The following CTNNA3 variants were observed in gnomAD, a reference collection of about 807,000 sequenced individuals.
CTNNA3 encodes catenin alpha 3.
Under a neutral mutation model 95.7 loss-of-function variants are expected in CTNNA3, and 76 were observed. That is an observed-to-expected ratio of 0.79 (90% CI 0.66 to 0.96). CTNNA3 has a LOEUF of 0.96. CTNNA3 is among the 40% of genes least tolerant of loss of function. The pLI is 0.00. For synonymous variants in CTNNA3, 431 were observed against 374.4 expected, an observed-to-expected ratio of 1.15 and a Z score of -1.74; for missense variants, 1,191 against 1,089.8, an observed-to-expected ratio of 1.09 and a Z score of -1.31.
chr10:67,755,049 A>T (rs955726608), intron 1 of CTNNA3, among the ~76,000 whole-genome samples: 4 of 152,034 alleles, frequency 2.6e-5, no homozygotes, highest in South Asian at 2.1e-4. Context: ...CAAAAAAATT[A>T]AAAAATTACC....
intron 9 of CTNNA3, among the ~76,000 whole-genome samples, chr10:66,745,456 T>A (rs1056946109): frequency 1.3e-5 from 2 of 152,182 alleles, no homozygotes; most frequent in African/African-American, 4.8e-5. Context: ...TCACCATCCC[T>A]TAAAAGCCAG....
intron 7 of CTNNA3, among the ~76,000 whole-genome samples, chr10:67,062,332 T>G (rs1451486883): frequency 1.3e-5 from 2 of 152,198 alleles, no homozygotes; most frequent in Non-Finnish European, 2.9e-5. Flanking sequence ...TCTTCTCTTC[T>G]GTACATGCCA....
chr10:66,618,508 G>A (rs370487485), intron 10 of CTNNA3, among the ~76,000 whole-genome samples: 1 of 152,006 alleles, frequency 6.6e-6, no homozygotes. Context: ...GCTAGCCATA[G>A]GTAGAAAGCT....
intron 10 of CTNNA3, among the ~76,000 whole-genome samples, chr10:66,571,166 T>G (rs1842856804): frequency 6.6e-6 from 1 of 152,178 alleles, no homozygotes; most frequent in African/African-American, 2.4e-5. Context: ...GGAGAAACAA[T>G]TTCATTATAT....
Position 66,410,799 on chromosome 10 carries a change from T to C in CTNNA3, c.1532-31447A>G, listed in dbSNP as rs1341327538. 2.0e-5 allele frequency among the ~76,000 whole-genome samples: 3 copies of C among 152,186 alleles called. No homozygotes were observed. In the East Asian group the frequency reaches 5.8e-4, roughly 29 times the overall value. Reference sequence around the variant, plus strand: ...CTGCCAGAGATGTACTGTTCGTGTTTGGAATGCGTGCTGTGTTTCTAAGGC... The same window carrying C: ...CTGCCAGAGATGTACTGTTCGTGTTCGGAATGCGTGCTGTGTTTCTAAGGC... On this transcript the variant is annotated intron_variant, in intron 11 of 17. Coordinates refer to ENST00000433211, the MANE Select transcript of CTNNA3 (RefSeq NM_013266.4).
chr10:66,925,077 C>A (rs1846993799), intron 7 of CTNNA3, among the ~76,000 whole-genome samples: 1 of 152,120 alleles, frequency 6.6e-6, no homozygotes, highest in South Asian at 2.1e-4. Flanking sequence ...GCTTCATTTT[C>A]ACTGACTTCT....
In CTNNA3 at chr10:67,026,932, A is replaced by G. The variant is rs371518429; in HGVS notation, c.1047+153385T>C. On this transcript the variant is annotated intron_variant, in intron 7 of 17. Transcript: ENST00000433211. ...CACATTAAAATAGAAACCATTTAGA[A>G]GAGGGATCATGCCTTCTTTATTCTG... Among the ~76,000 whole-genome samples, 5 of 152,348 alleles carry G rather than the reference A, an allele frequency of 3.3e-5. No individual in the cohort carries two copies. The South Asian group carries it at 6.2e-4, about 19-fold the overall frequency.
At chr10:66,507,364 A>T (rs1840486155) in intron 11 of CTNNA3, among the ~76,000 whole-genome samples, 1 of 152,062 alleles carries the variant, frequency 6.6e-6, no homozygotes, top group South Asian at 2.1e-4. Flanking sequence ...AACTTTCAAA[A>T]TCCTCTCTTC....
chr10:66,329,420 C>T lies in CTNNA3; in HGVS notation c.1733-48799G>A, dbSNP rs1462091349. ...CAGAAGCACCCTTACAGTGTAACAC[C>T]CCAAAACAATGTTTCTCCTGGGCAC... On this transcript the variant is annotated intron_variant, in intron 12 of 17. Coordinates refer to ENST00000433211, the MANE Select transcript of CTNNA3 (RefSeq NM_013266.4). 4.6e-5 allele frequency among the ~76,000 whole-genome samples: 7 copies of T among 151,792 alleles called. No homozygotes were observed. In the South Asian group the frequency reaches 1.0e-3, roughly 23 times the overall value.
intron 11 of CTNNA3, among the ~76,000 whole-genome samples, chr10:66,513,560 T>C (rs184064267): frequency 6.6e-6 from 1 of 152,274 alleles, no homozygotes; most frequent in East Asian, 1.9e-4. Flanking sequence ...CAAAGGTACA[T>C]AGTGGCCCTG....
chr10:67,569,436 G>T (rs565119990), intron 3 of CTNNA3, among the ~76,000 whole-genome samples: 2 of 152,120 alleles, frequency 1.3e-5, no homozygotes, highest in South Asian at 4.1e-4. Flanking sequence ...ATAATTCAAA[G>T]GTGGGAGCAA....
chr10:67,583,483 C>A (rs1489626846), intron 3 of CTNNA3, among the ~76,000 whole-genome samples: 1 of 152,122 alleles, frequency 6.6e-6, no homozygotes, highest in Admixed American at 6.5e-5. Flanking sequence ...TCTCTGGCTG[C>A]CCTTAACATT....
At chr10:65,957,805 G>C (rs923960848) in intron 17 of CTNNA3, among the ~76,000 whole-genome samples, 5 of 152,106 alleles carry the variant, frequency 3.3e-5, no homozygotes, top group African/African-American at 1.2e-4. Context: ...CTTTCTCTCT[G>C]GTTGCCCTTA....
At chr10:67,573,996 A>C (rs1842059099) in intron 3 of CTNNA3, among the ~76,000 whole-genome samples, 1 of 152,216 alleles carries the variant, frequency 6.6e-6, no homozygotes, top group African/African-American at 2.4e-5. Flanking sequence ...GGTAAGAATG[A>C]AGAAGGCTAA....
chr10:67,574,410 CCT>C (rs1293160309), intron 3 of CTNNA3, among the ~76,000 whole-genome samples: 1 of 151,432 alleles, frequency 6.6e-6, no homozygotes, highest in Non-Finnish European at 1.5e-5. Context: ...TATTATTATC[CCT>C]CTGTTTTGTA....
intron 13 of CTNNA3, among the ~76,000 whole-genome samples, chr10:66,280,104 G>A (rs1305433761): frequency 6.6e-6 from 1 of 151,938 alleles, no homozygotes; most frequent in African/African-American, 2.4e-5. Context: ...CCACTACAGT[G>A]ATAAGAAAGA....
intron 2 of CTNNA3, among the ~76,000 whole-genome samples, chr10:67,643,744 T>C (rs1184238185): frequency 1.3e-5 from 2 of 152,062 alleles, no homozygotes; most frequent in Admixed American, 6.5e-5. Context: ...CCATGTGTTC[T>C]CATTGTTCAA....
intron 11 of CTNNA3, among the ~76,000 whole-genome samples, chr10:66,412,750 C>G (rs560693845): frequency 4.0e-4 from 61 of 151,964 alleles, no homozygotes; most frequent in African/African-American, 1.4e-3. Flanking sequence ...TTAGTCACCG[C>G]GCCTGGCCCC....
At chr10:66,879,477 A>C (rs1308344458) in intron 7 of CTNNA3, among the ~76,000 whole-genome samples, 6 of 152,148 alleles carry the variant, frequency 3.9e-5, no homozygotes, top group African/African-American at 1.4e-4. Context: ...CTAGTCAATC[A>C]TTCAGGCATC....
Sources: gnomAD v4.1 joint callset for allele counts (sites outside exome capture counted in the v4.1 genomes callset) on GRCh38, gnomAD v4.1.1 for gene constraint, MANE v1.5 for transcripts, NCBI Gene and HGNC (gene_info 2026-07-23, HGNC 2026-07-21) for gene names.